The following PALM2AKAP2 variants were observed in gnomAD, a reference collection of about 807,000 sequenced individuals.
PALM2AKAP2 encodes the protein PALM2 and AKAP2 fusion.
Under a neutral mutation model 71.5 loss-of-function variants are expected in PALM2AKAP2, and 37 were observed. That is an observed-to-expected ratio of 0.52 (90% CI 0.40 to 0.68). PALM2AKAP2 has a LOEUF of 0.68. PALM2AKAP2 is among the 30% of genes least tolerant of loss of function. The probability of loss-of-function intolerance (pLI) is 0.00; values close to 1 mark genes in which losing one functional copy is unlikely to be tolerated. For synonymous variants in PALM2AKAP2, 468 were observed against 478.8 expected (o/e 0.98, Z 0.29); for missense variants, 1,224 against 1,191.8 (o/e 1.03, Z -0.40).
Position 110,113,546 on chromosome 9 carries a change from A to G in PALM2AKAP2, c.157-22581A>G, listed in dbSNP as rs57683700. Among the ~76,000 whole-genome samples the G allele has an allele frequency of 5.5e-3, 820 of 148,532 alleles. 9 individuals carry two copies. The highest frequency in any genetic ancestry group is 0.019 in the African/African-American group (762 of 40,218). ...ACCTGGACTTTTTTTTTTTTTAGAC[A>G]GAGTTTTGCTCTTGTTGCCCAGGCT... On this transcript the variant is annotated intron_variant, in intron 1 of 3. Coordinates refer to ENST00000374525, the Ensembl canonical transcript of PALM2AKAP2.
chr9:109,943,412 G>A (rs1387978092), intron 6 of PALM2AKAP2: 1 of 1,609,966 alleles, frequency 6.2e-7, no homozygotes, highest in Admixed American at 1.7e-5. Context: ...TGTCAATGCT[G>A]TGTTGTCATG....
intron 1 of PALM2AKAP2, among the ~76,000 whole-genome samples, chr9:109,715,078 A>G (rs1314079645): frequency 6.7e-6 from 1 of 148,316 alleles, no homozygotes; most frequent in Non-Finnish European, 1.5e-5. Flanking sequence ...TTGGACTCTG[A>G]GTTTGTGCTA....
intron 1 of PALM2AKAP2, among the ~76,000 whole-genome samples, chr9:110,116,868 T>C (rs1428009734): frequency 6.6e-6 from 1 of 152,322 alleles, no homozygotes; most frequent in East Asian, 1.9e-4. Flanking sequence ...CAAGTTTTGG[T>C]ACACATTTGT....
chr9:110,038,256 G>C (rs949335785), intron 7 of PALM2AKAP2, among the ~76,000 whole-genome samples: 2 of 152,126 alleles, frequency 1.3e-5, no homozygotes, highest in Non-Finnish European at 2.9e-5. Context: ...CTTGAGCCCG[G>C]CAGGTCAAGG....
intron 3 of PALM2AKAP2, 21 bp from the exon 11 acceptor site, chr9:110,168,378 T>C: frequency 3.7e-6 from 6 of 1,604,918 alleles, no homozygotes; most frequent in Non-Finnish European, 5.1e-6. Context: ...CTCTGCATAA[T>C]TTTTTCCCCT....
intron 7 of PALM2AKAP2, 29 bp downstream of exon 7, chr9:110,016,068 A>C: frequency 6.2e-7 from 1 of 1,604,138 alleles, no homozygotes. Context: ...GTTGATTCTC[A>C]AAGTGTATCT....
intron 3 of PALM2AKAP2, among the ~76,000 whole-genome samples, chr9:109,903,927 A>G (rs750830618): frequency 6.6e-6 from 1 of 152,198 alleles, no homozygotes; most frequent in Non-Finnish European, 1.5e-5. Context: ...CATTCTCTGG[A>G]AAATCAGTTT....
intron 1 of PALM2AKAP2, among the ~76,000 whole-genome samples, chr9:109,701,332 G>C (rs1416533971): frequency 6.6e-6 from 1 of 152,154 alleles, no homozygotes; most frequent in Non-Finnish European, 1.5e-5. Context: ...CACACTACCT[G>C]ACTTCAAACT....
At chr9:109,670,121 T>TA (rs973619344) in intron 1 of PALM2AKAP2, among the ~76,000 whole-genome samples, 3 of 152,150 alleles carry the variant, frequency 2.0e-5, no homozygotes, top group African/African-American at 7.2e-5. Context: ...TTTATTTTTT[T>TA]AAAAAAACTT....
At chr9:109,991,755 C>T (rs534364996) in intron 6 of PALM2AKAP2, among the ~76,000 whole-genome samples, 151 of 152,240 alleles carry the variant, frequency 9.9e-4, no homozygotes, top group African/African-American at 3.6e-3. Flanking sequence ...CTGCAGACAT[C>T]AGGCTTTAAA....
At chr9:110,172,417 T>C (rs189162592) in exon 4 of PALM2AKAP2, 1 of 152,798 alleles carries the variant, frequency 6.5e-6, no homozygotes, top group African/African-American at 2.4e-5. Context: ...TTAAATGTTA[T>C]TATCCTGCTT....
intron 1 of PALM2AKAP2, among the ~76,000 whole-genome samples, chr9:109,659,613 G>C (rs576276659): frequency 5.5e-4 from 84 of 152,166 alleles, no homozygotes; most frequent in Admixed American, 1.4e-3. Context: ...TTTTATTGCT[G>C]AGTAATATTT....
chr9:110,110,016 CTA>C (rs1835209899), intron 1 of PALM2AKAP2, among the ~76,000 whole-genome samples: 1 of 152,004 alleles, frequency 6.6e-6, no homozygotes, highest in Non-Finnish European at 1.5e-5. Context: ...TTCAAGAGCT[CTA>C]TTGTACAACA....
At chr9:109,786,889 A>G (rs77626546) in intron 1 of PALM2AKAP2, among the ~76,000 whole-genome samples, 2,366 of 152,254 alleles carry the variant, frequency 0.016, 65 homozygotes, top group African/African-American at 0.054. Flanking sequence ...GCCCAGTAGA[A>G]TTGTTTCTAT....
At chr9:109,817,087 T>A (rs1007323234) in intron 1 of PALM2AKAP2, among the ~76,000 whole-genome samples, 2 of 152,222 alleles carry the variant, frequency 1.3e-5, no homozygotes, top group Non-Finnish European at 2.9e-5. Flanking sequence ...CTTAGGCACA[T>A]AAAATGATAG....
At chr9:109,728,016 G>A (rs1202531660) in intron 1 of PALM2AKAP2, among the ~76,000 whole-genome samples, 1 of 152,174 alleles carries the variant, frequency 6.6e-6, no homozygotes, top group African/African-American at 2.4e-5. Flanking sequence ...AAATACACAC[G>A]AGAGTGTCAA....
chr9:110,013,653 G>T (rs983492720), intron 6 of PALM2AKAP2, among the ~76,000 whole-genome samples: 4 of 152,196 alleles, frequency 2.6e-5, no homozygotes, highest in Admixed American at 2.6e-4. Context: ...TTTGCACCAT[G>T]AATTGAATTA....
At chr9:109,676,002 A>C (rs1827643314) in intron 1 of PALM2AKAP2, among the ~76,000 whole-genome samples, 1 of 152,188 alleles carries the variant, frequency 6.6e-6, no homozygotes, top group African/African-American at 2.4e-5. Context: ...CAAAAACAAA[A>C]ATTTTCAACA....
intron 1 of PALM2AKAP2, among the ~76,000 whole-genome samples, chr9:110,120,653 GCCACTACA>G (rs1317683724): frequency 1.3e-5 from 2 of 152,256 alleles, no homozygotes; most frequent in African/African-American, 4.8e-5. Flanking sequence ...ACAGGCATGT[GCCACTACA>G]CCCGGCTAAT....
Sources: gnomAD v4.1 joint callset for allele counts (sites outside exome capture counted in the v4.1 genomes callset) on GRCh38, gnomAD v4.1.1 for gene constraint, MANE v1.5 for transcripts, NCBI Gene and HGNC (gene_info 2026-07-23, HGNC 2026-07-21) for gene names.